Variants in MARCO observed in about 807,000 individuals in gnomAD.
MARCO encodes macrophage receptor with collagenous structure, also known as macrophage receptor MARCO.
A neutral mutation model predicts 70.0 loss-of-function variants in MARCO; 72 were observed. That is an observed-to-expected ratio of 1.03 (90% CI 0.85 to 1.25). The LOEUF (loss-of-function observed/expected upper bound fraction) is 1.25, where lower values mean the gene tolerates loss of function less well. Ranked by LOEUF, MARCO falls within the 50% of genes most tolerant of loss-of-function variation. MARCO has a pLI of 0.00. For synonymous variants in MARCO, 273 were observed against 243.1 expected, an observed-to-expected ratio of 1.12 and a Z score of -1.14; for missense variants, 696 against 659.3, an observed-to-expected ratio of 1.06 and a Z score of -0.61.
At chr2:118,960,668 A>G (rs552419136) in intron 1 of MARCO, among the ~76,000 whole-genome samples, 28 of 150,096 alleles carry the variant, frequency 1.9e-4, no homozygotes, top group Middle Eastern at 3.4e-3. Flanking sequence ...TTGTTGTGGC[A>G]TATAATTTTT....
At chr2:118,970,714 G>C (rs764812496) in intron 3 of MARCO, among the ~76,000 whole-genome samples, 2 of 152,204 alleles carry the variant, frequency 1.3e-5, no homozygotes, top group African/African-American at 2.4e-5. Flanking sequence ...TAGGGCTGCA[G>C]GCTGGGGAAA....
intron 1 of MARCO, among the ~76,000 whole-genome samples, chr2:118,968,463 A>G (rs1680097728): frequency 6.6e-6 from 1 of 152,158 alleles, no homozygotes; most frequent in African/African-American, 2.4e-5. Flanking sequence ...AGATTAAAAG[A>G]AAAAAAGGCT....
In MARCO at chr2:118,994,497, G is replaced by C. The variant is rs547121562; in HGVS notation, c.1540G>C (p.Ala514Pro). The C allele has an allele frequency of 6.2e-7, 1 of 1,608,744 alleles. No homozygotes were observed. The highest frequency in any genetic ancestry group is 1.7e-5 in the Admixed American group (1 of 59,526). Residue 514 changes from alanine (A) to proline (P), a missense_variant, in exon 17 of 17, where the codon GCA becomes CCA. Ala to Pro is a conservative substitution (Grantham distance 27, BLOSUM62 -1). This residue lies in a region of MARCO where 58 missense variants were observed against 62.1 expected (regional missense o/e 0.93). Coordinates refer to ENST00000327097, the MANE Select transcript of MARCO (RefSeq NM_006770.4). ...TCATGACTGCAGCCACGAGGAGGAC[G>C]CAGGCGTGGAGTGCAGCGTCTGACC... Reference protein sequence around the residue: ...GHHDCSHEEDAGVECSV With the variant: ...GHHDCSHEEDPGVECSV
intron 7 of MARCO, 125 bp from the exon 8 acceptor site, chr2:118,977,703 A>C: frequency 2.4e-6 from 2 of 846,406 alleles, no homozygotes; most frequent in Non-Finnish European, 3.7e-6. Context: ...GAGCTAGCAC[A>C]TCCCCCAGAG....
chr2:118,975,108 A>T (rs367756846), intron 6 of MARCO, among the ~76,000 whole-genome samples: 36 of 152,082 alleles, frequency 2.4e-4, no homozygotes, highest in Middle Eastern at 3.4e-3. Flanking sequence ...ATTTTTTTAG[A>T]CTGTTGCCTA....
intron 12 of MARCO, among the ~76,000 whole-genome samples, chr2:118,986,196 G>A (rs1484165520): frequency 2.0e-5 from 3 of 152,088 alleles, no homozygotes; most frequent in Non-Finnish European, 1.5e-5. Context: ...CCAATTTTGA[G>A]TCCCTTATCC....
At chr2:118,993,371 T>C in intron 16 of MARCO, 71 bp downstream of exon 16, 4 of 1,473,822 alleles carry the variant, frequency 2.7e-6, no homozygotes, top group Non-Finnish European at 3.8e-6. Flanking sequence ...TGGTGGGGTG[T>C]TGGCAAGTGA....
rs1680140912 is a variant in MARCO, at chr2:118,970,299, C to T, written c.385C>T (p.His129Tyr). Residue 129 changes from histidine (H) to tyrosine (Y), a missense_variant, in exon 3 of 17, where the codon CAC becomes TAC. Around this residue, in one of 3 missense-constraint regions of MARCO, gnomAD observed 605 missense variants for 537.6 expected, o/e 1.13. Transcript: ENST00000327097. The part of the protein sequence containing the change: ...QLTWVRVSHE[H>Y]LLQRVDNFTQ... ...CACCTGGGTCCGCGTCAGCCATGAG[C>T]ACTTGCTGCAGCGGGTAGACAACTT... 6.2e-7 allele frequency: 1 copy of T among 1,613,974 alleles called. No homozygotes were observed. Among genetic ancestry groups the T allele is most frequent in the Non-Finnish European group, 8.5e-7 (1 of 1,179,988 alleles).
intron 13 of MARCO, among the ~76,000 whole-genome samples, chr2:118,991,108 T>C (rs779762507): frequency 1.1e-4 from 17 of 152,158 alleles, no homozygotes; most frequent in Admixed American, 3.3e-4. Flanking sequence ...TGTGCTTCAG[T>C]TGGGTACTGA....
rs749835480 is a variant in MARCO at position 118,993,221 on chromosome 2, G to T, written c.1350G>T (p.Glu450Asp). ...SGTWGTICDD[E>D]WQNSDAIVFC... is the part of the protein sequence containing the mutation. ...CCTGGGGGACAATTTGCGATGACGAGTGGCAAAATTCTGATGCCATTGTCT... is the reference window on the plus strand; with the variant it reads ...CCTGGGGGACAATTTGCGATGACGATTGGCAAAATTCTGATGCCATTGTCT... The change falls in exon 16 of 17, where the codon GAG (glutamate) becomes GAT (aspartate). Residue 450 changes from glutamate to aspartate, a missense_variant. Glu to Asp is a conservative substitution (Grantham distance 45). Transcript: ENST00000327097. 2.2e-5 allele frequency: 35 copies of T among 1,614,062 alleles called. No homozygotes were observed.
At chr2:118,975,043 G>A (rs916462618) in intron 6 of MARCO, among the ~76,000 whole-genome samples, 1 of 152,200 alleles carries the variant, frequency 6.6e-6, no homozygotes, top group Admixed American at 6.5e-5. Flanking sequence ...CTGCCAGGGG[G>A]ATTAGAGACA....
intron 12 of MARCO, among the ~76,000 whole-genome samples, chr2:118,983,399 T>C (rs1244814773): frequency 1.3e-5 from 2 of 152,190 alleles, no homozygotes; most frequent in South Asian, 2.1e-4. Context: ...CTGGCAAACC[T>C]TGGGCTCTGG....
Position 118,976,188 on chromosome 2 carries a change from G to A in MARCO, c.614-1283G>A, listed in dbSNP as rs147502313. ...AGGCACATCACACAGCCTTGACAGA[G>A]GGCTCAGAGCAGGACTGTGCAACCA... On this transcript the variant is annotated intron_variant, in intron 6 of 16. Coordinates refer to ENST00000327097, the MANE Select transcript of MARCO (RefSeq NM_006770.4). Among the ~76,000 whole-genome samples the A allele has an allele frequency of 8.9e-4, 135 of 152,304 alleles. 1 individual carries two copies. The East Asian group carries it at 0.024, about 27-fold the overall frequency.
intron 1 of MARCO, among the ~76,000 whole-genome samples, chr2:118,955,647 G>T (rs1679821087): frequency 6.6e-6 from 1 of 152,174 alleles, no homozygotes; most frequent in Non-Finnish European, 1.5e-5. Flanking sequence ...TAGACACATT[G>T]TCATCAGGTT....
At chr2:118,946,195 A>G (rs529016716) in intron 1 of MARCO, among the ~76,000 whole-genome samples, 1 of 152,312 alleles carries the variant, frequency 6.6e-6, no homozygotes, top group Non-Finnish European at 1.5e-5. Context: ...CTGCATTAAT[A>G]CAAAATTACA....
In MARCO at chr2:118,955,413, A is replaced by G. The variant is rs116873469; in HGVS notation, c.97+13016A>G. On this transcript the variant is annotated intron_variant, in intron 1 of 16. Coordinates refer to ENST00000327097, the MANE Select transcript of MARCO (RefSeq NM_006770.4). ...AATCCAACAAAGACAAAGAAAAAAGAGTAAAAAAATATGAACAAACCTCCA... is the reference window on the plus strand; with the variant it reads ...AATCCAACAAAGACAAAGAAAAAAGGGTAAAAAAATATGAACAAACCTCCA... Among the ~76,000 whole-genome samples, 1,885 of 152,284 alleles carry G rather than the reference A, an allele frequency of 0.012. 93 individuals are homozygous for G. The South Asian group carries it at 0.13, about 10-fold the overall frequency.
At position 118,970,176 on chromosome 2, in the gene MARCO, G is replaced by T. The variant is rs1680135752; in HGVS notation, c.262G>T (p.Ala88Ser). The change falls in exon 3 of 17, where the codon GCT (alanine) becomes TCT (serine). Residue 88 changes from alanine (A) to serine (S), a missense_variant. Around this residue, in one of 3 missense-constraint regions of MARCO, gnomAD observed 605 missense variants for 537.6 expected, o/e 1.13. Transcript: ENST00000327097. ...GTATTTCCTCAATGACACTCTGGCGGCTGAGGACAGCCCGTCCTTCTCCTT... is the reference window on the plus strand; with the variant it reads ...GTATTTCCTCAATGACACTCTGGCGTCTGAGGACAGCCCGTCCTTCTCCTT... ...EMYFLNDTLAAEDSPSFSLLQ... is the reference protein window; with the variant it reads ...EMYFLNDTLASEDSPSFSLLQ... 6.2e-7 allele frequency: 1 copy of T among 1,614,152 alleles called. No individual in the cohort carries two copies. Among genetic ancestry groups the T allele is most frequent in the Non-Finnish European group, 8.5e-7 (1 of 1,180,028 alleles).
At chr2:118,949,790 G>A (rs531692700) in intron 1 of MARCO, 1 of 152,308 alleles carries the variant, frequency 6.6e-6, no homozygotes, top group East Asian at 1.9e-4. Flanking sequence ...AGTCTCGATG[G>A]TTAGCAGCAC....
intron 6 of MARCO, 145 bp downstream of exon 6, chr2:118,974,710 G>C (rs1403123251): frequency 3.7e-6 from 3 of 817,584 alleles, no homozygotes. Context: ...GACCCCAGAG[G>C]GGATGAGAGG....
Sources: gnomAD v4.1 joint callset for allele counts (sites outside exome capture counted in the v4.1 genomes callset) on GRCh38, gnomAD v4.1.1 for gene constraint, gnomAD v4.1.1 regional missense constraint, MANE v1.5 for transcripts, NCBI Gene and HGNC (gene_info 2026-07-23, HGNC 2026-07-21) for gene names.